The following DNAJC15 variants were observed in gnomAD, a reference collection of about 807,000 sequenced individuals.
DNAJC15 encodes dnaJ homolog subfamily C member 15.
Under a neutral mutation model 22.4 loss-of-function variants are expected in DNAJC15, and 27 were observed. The observed-to-expected ratio is 1.20, with a 90% confidence interval of 0.89 to 1.66. The LOEUF is 1.66. DNAJC15 is among the 40% of genes most tolerant of loss of function. The pLI is 0.00. For missense variants in DNAJC15, 208 were observed against 187.1 expected (o/e 1.11, Z -0.65); for synonymous variants, 79 against 63.2 (o/e 1.25, Z -1.19).
In DNAJC15 at chr13:43,107,290, C is replaced by CAA. The variant is rs530121565; in HGVS notation, c.*42_*43insAA. On this transcript the variant is annotated 3_prime_UTR_variant, in exon 6 of 6. Transcript: ENST00000379221. Reference sequence around the variant, plus strand: ...TGAAGGAAAAAAAAAGAGGGGACTTCGAAAAAAAAAAAAGCCCTGCAAAAT... The same window carrying CAA: ...TGAAGGAAAAAAAAAGAGGGGACTTCAAGAAAAAAAAAAAAGCCCTGCAAAAT... 175 of 1,117,966 alleles carry CAA rather than the reference C, an allele frequency of 1.6e-4. No individual in the cohort carries two copies. Among genetic ancestry groups the CAA allele is most frequent in the East Asian group, 8.4e-4 (28 of 33,328 alleles). 69.3% of individuals were successfully genotyped at this position (1,117,966 alleles called of 1,614,324 possible). A position where few individuals can be genotyped will look rare whatever the true frequency, so the allele number is the denominator to read the frequency against.
intron 1 of DNAJC15, among the ~76,000 whole-genome samples, chr13:43,036,422 A>G (rs2040429288): frequency 6.6e-6 from 1 of 151,870 alleles, no homozygotes. Context: ...GCAGGTTTTT[A>G]TGTGCTCAGA....
intron 1 of DNAJC15, among the ~76,000 whole-genome samples, chr13:43,034,359 A>C (rs1289813214): frequency 8.6e-6 from 1 of 116,758 alleles, no homozygotes; most frequent in African/African-American, 3.4e-5. Context: ...TGTGTCGCCC[A>C]GACTGGAGTG....
chr13:43,073,770 T>A (rs994564476), intron 3 of DNAJC15, among the ~76,000 whole-genome samples: 2 of 152,132 alleles, frequency 1.3e-5, no homozygotes, highest in Non-Finnish European at 2.9e-5. Flanking sequence ...AAATTTACAG[T>A]GTCTTTACTC....
chr13:43,097,559 C>T (rs2040745666), intron 5 of DNAJC15, among the ~76,000 whole-genome samples: 1 of 152,050 alleles, frequency 6.6e-6, no homozygotes, highest in African/African-American at 2.4e-5. Context: ...GGAAGCAAGG[C>T]AGTCACTAGA....
chr13:43,065,600 A>C, intron 1 of DNAJC15, 86 bp from the exon 2 acceptor site: 1 of 1,089,476 alleles, frequency 9.2e-7, no homozygotes, highest in Non-Finnish European at 1.4e-6. Context: ...TAGTATTGTA[A>C]TGTAATTATT....
At position 43,107,434 on chromosome 13, in the gene DNAJC15, C is replaced by T. The variant is rs1431979011; in HGVS notation, c.*186C>T. The T allele has an allele frequency of 5.0e-6, 2 of 402,292 alleles. No individual in the cohort carries two copies. Among genetic ancestry groups the T allele is most frequent in the Non-Finnish European group, 8.8e-6 (2 of 228,310 alleles). The allele number at this position is 402,292 out of a possible 1,614,324, so 24.9% of individuals were successfully genotyped here. ...TTGCTTTTTATTATCTTTTAAAGAT[C>T]TCCTTAAATTCTATAACTGATCTTT... is the stretch of plus-strand genomic sequence containing the variant. On this transcript the variant is annotated 3_prime_UTR_variant, in exon 6 of 6. Transcript: ENST00000379221.
chr13:43,048,570 T>C (rs978807907), intron 1 of DNAJC15, among the ~76,000 whole-genome samples: 1 of 152,152 alleles, frequency 6.6e-6, no homozygotes, highest in Non-Finnish European at 1.5e-5. Flanking sequence ...ATATATCATC[T>C]TTTTTTCCCC....
intron 5 of DNAJC15, among the ~76,000 whole-genome samples, chr13:43,099,837 A>G (rs1228453294): frequency 6.6e-6 from 1 of 151,994 alleles, no homozygotes; most frequent in Non-Finnish European, 1.5e-5. Flanking sequence ...TTGGTTTGCT[A>G]GTATTGTGTT....
intron 1 of DNAJC15, among the ~76,000 whole-genome samples, chr13:43,042,022 G>A (rs2153439873): frequency 6.6e-6 from 1 of 152,272 alleles, no homozygotes; most frequent in East Asian, 1.9e-4. Context: ...ATGGTTGGAT[G>A]TTTACTTAAT....
At chr13:43,049,093 C>T (rs1428220170) in intron 1 of DNAJC15, among the ~76,000 whole-genome samples, 1 of 152,112 alleles carries the variant, frequency 6.6e-6, no homozygotes, top group African/African-American at 2.4e-5. Flanking sequence ...TTAAATCATA[C>T]TTCCTGATTT....
At chr13:43,029,143 T>A (rs886697797) in intron 1 of DNAJC15, among the ~76,000 whole-genome samples, 6 of 152,252 alleles carry the variant, frequency 3.9e-5, no homozygotes, top group African/African-American at 1.4e-4. Context: ...TATGTTAGCC[T>A]CTAAGGGAGA....
At chr13:43,033,540 A>G (rs1346420010) in intron 1 of DNAJC15, among the ~76,000 whole-genome samples, 5 of 152,166 alleles carry the variant, frequency 3.3e-5, no homozygotes, top group Non-Finnish European at 5.9e-5. Flanking sequence ...ACCACATTAC[A>G]TTTAGTTTTC....
In DNAJC15 at chr13:43,108,286, C is replaced by G. The variant is rs1334481040; in HGVS notation, c.*1038C>G. 2 of 152,144 alleles carry G rather than the reference C, an allele frequency of 1.3e-5. No individual in the cohort carries two copies. Among genetic ancestry groups the G allele is most frequent in the African/African-American group, 4.8e-5 (2 of 41,428 alleles). The allele number at this position is 152,144 out of a possible 1,614,324, so 9.4% of individuals were successfully genotyped here. On this transcript the variant is annotated 3_prime_UTR_variant, in exon 6 of 6. Transcript: ENST00000379221. ...AATTAGCAGAAATAGATATATCAAT[C>G]GGAGTGATTAGAGTGCAGGGTTTCT...
intron 3 of DNAJC15, among the ~76,000 whole-genome samples, chr13:43,078,053 A>G (rs1181769943): frequency 2.0e-5 from 3 of 152,076 alleles, no homozygotes; most frequent in African/African-American, 4.8e-5. Context: ...AATTCCTTCC[A>G]TTGTTTACAA....
At chr13:43,085,889 A>G in intron 5 of DNAJC15, 51 bp downstream of exon 5, 1 of 1,506,862 alleles carries the variant, frequency 6.6e-7, no homozygotes, top group Non-Finnish European at 9.2e-7. Context: ...TATGCTGTGA[A>G]TTCCTTTCAG....
At chr13:43,050,160 T>C (rs2040496170) in intron 1 of DNAJC15, among the ~76,000 whole-genome samples, 1 of 152,136 alleles carries the variant, frequency 6.6e-6, no homozygotes, top group Non-Finnish European at 1.5e-5. Flanking sequence ...CCTCAGGTGA[T>C]CCACCTGCCT....
intron 5 of DNAJC15, among the ~76,000 whole-genome samples, chr13:43,094,908 C>CCT (rs150206015): frequency 0.017 from 2,534 of 152,192 alleles, 82 homozygotes; most frequent in East Asian, 0.1. Flanking sequence ...TGTCATTTTA[C>CCT]CTCTAAATTT....
In DNAJC15 at chr13:43,110,609, T is replaced by C. The variant is rs1424457365; in HGVS notation, c.*3361T>C. ...CTGCTGTTACCCTTGTACCTAAAGA[T>C]GCCATCCTAATCCCCAGATCTCCAC... On this transcript the variant is annotated 3_prime_UTR_variant, in exon 6 of 6. Transcript: ENST00000379221. The C allele has an allele frequency of 6.6e-6, 1 of 151,836 alleles. No homozygotes were observed. Among genetic ancestry groups the C allele is most frequent in the Non-Finnish European group, 1.5e-5 (1 of 67,942 alleles). The allele number at this position is 151,836 out of a possible 1,614,324, so 9.4% of individuals were successfully genotyped here. A position where few individuals can be genotyped will look rare whatever the true frequency, so the allele number is the denominator to read the frequency against.
chr13:43,032,893 A>G (rs574329706), intron 1 of DNAJC15, among the ~76,000 whole-genome samples: 1 of 152,294 alleles, frequency 6.6e-6, no homozygotes, highest in African/African-American at 2.4e-5. Context: ...TCACGATTCC[A>G]TAGGCTGTAC....
Sources: allele counts gnomAD v4.1 joint callset (sites outside exome capture counted in the v4.1 genomes callset), GRCh38; gene constraint gnomAD v4.1.1; transcripts MANE v1.5; gene names NCBI Gene and HGNC (gene_info 2026-07-23, HGNC 2026-07-21).